The following TTC7A variants were observed in gnomAD, a reference collection of about 807,000 sequenced individuals.
TTC7A encodes tetratricopeptide repeat domain 7A, also known as tetratricopeptide repeat protein 7A.
TTC7A carries 110 observed loss-of-function variants against 103.7 expected under a neutral mutation model. That is an observed-to-expected ratio of 1.06 (90% CI 0.91 to 1.24). TTC7A has a LOEUF of 1.24. Ranked by LOEUF, TTC7A falls within the 50% of genes most tolerant of loss-of-function variation. The pLI is 0.00. For synonymous variants in TTC7A, 521 were observed against 467.9 expected, an observed-to-expected ratio of 1.11 and a Z score of -1.47; for missense variants, 1,340 against 1,116.3, an observed-to-expected ratio of 1.20 and a Z score of -2.86.
chr2:46,927,207 C>G (rs1041024879), intron 2 of TTC7A, among the ~76,000 whole-genome samples: 1 of 151,656 alleles, frequency 6.6e-6, no homozygotes, highest in African/African-American at 2.4e-5. Context: ...AAAAATTTTC[C>G]AGAACCAATG....
intron 1 of TTC7A, among the ~76,000 whole-genome samples, chr2:46,945,659 G>T (rs1670872211): frequency 6.6e-6 from 1 of 152,174 alleles, no homozygotes; most frequent in South Asian, 2.1e-4. Context: ...CCAAAGTGCT[G>T]GAATTATAGG....
At chr2:47,058,022 G>T (rs941161070) in intron 18 of TTC7A, among the ~76,000 whole-genome samples, 3 of 152,198 alleles carry the variant, frequency 2.0e-5, no homozygotes, top group Admixed American at 2.0e-4. Context: ...TAAGCACTCA[G>T]TTATGAGGGC....
At chr2:46,985,584 A>T (rs1674934064) in intron 5 of TTC7A, among the ~76,000 whole-genome samples, 1 of 152,226 alleles carries the variant, frequency 6.6e-6, no homozygotes, top group South Asian at 2.1e-4. Context: ...GCAGGAACTA[A>T]TACAATCCCC....
At chr2:46,972,535 A>C (rs1246795640) in intron 3 of TTC7A, among the ~76,000 whole-genome samples, 2 of 152,218 alleles carry the variant, frequency 1.3e-5, no homozygotes, top group East Asian at 3.8e-4. Context: ...CAGTGGAAAG[A>C]GCGACAATTC....
chr2:47,032,858 G>GT (rs1680707937), intron 15 of TTC7A, among the ~76,000 whole-genome samples: 2 of 23,890 alleles, frequency 8.4e-5, no homozygotes, highest in African/African-American at 4.7e-4. Flanking sequence ...GTTGTTTTAA[G>GT]CAAAAAAAAA....
chr2:46,915,971 GTTC>G (rs915182900), upstream of TTC7A: 4 of 985,330 alleles, frequency 4.1e-6, no homozygotes, highest in African/African-American at 5.2e-5. Flanking sequence ...GACTGACGCA[GTTC>G]TTCTACCTGC....
At chr2:47,070,635 A>G (rs890134830) in intron 19 of TTC7A, among the ~76,000 whole-genome samples, 5 of 152,118 alleles carry the variant, frequency 3.3e-5, no homozygotes, top group Non-Finnish European at 4.4e-5. Context: ...CCCTCAGGGA[A>G]GGCTTCCTGG....
intron 5 of TTC7A, 95 bp downstream of exon 5, chr2:46,979,002 G>T: frequency 6.5e-6 from 5 of 767,582 alleles, no homozygotes; most frequent in Non-Finnish European, 1.1e-5. Context: ...TCTCTGGCCT[G>T]TGCATACGTG....
intron 17 of TTC7A, 68 bp downstream of exon 17, chr2:47,050,114 C>G (rs932781989): frequency 7.4e-7 from 1 of 1,349,844 alleles, no homozygotes; most frequent in African/African-American, 1.4e-5. Context: ...TTGAGAGCAC[C>G]AACACAGAGA....
Position 47,029,408 on chromosome 2 carries a change from G to T in TTC7A, c.1802+24G>T, listed in dbSNP as rs762738357. The T allele has an allele frequency of 2.5e-6, 4 of 1,612,068 alleles. No individual in the cohort carries two copies. The South Asian group carries it at 4.4e-5, about 18-fold the overall frequency. The stretch of plus-strand genomic sequence containing the variant: ...AAGTGAGTGCCCTGGGAACACTCTG[G>T]CAGTGGGGGAGCTGGCTGGCCTCTG... On this transcript the variant is annotated intron_variant, in intron 15 of 19. Transcript: ENST00000319190.
intron 2 of TTC7A, among the ~76,000 whole-genome samples, chr2:46,955,244 G>A (rs1330349157): frequency 6.6e-6 from 1 of 151,146 alleles, no homozygotes; most frequent in African/African-American, 2.5e-5. Context: ...AAATGAGCCC[G>A]TGGCTTGAGA....
intron 2 of TTC7A, among the ~76,000 whole-genome samples, chr2:46,920,857 T>C (rs1276239488): frequency 6.6e-6 from 1 of 151,956 alleles, no homozygotes; most frequent in East Asian, 1.9e-4. Context: ...TGTGGCTGTC[T>C]ACAAAACTTC....
intron 10 of TTC7A, 32 bp downstream of exon 10, chr2:47,006,756 C>T: frequency 6.5e-7 from 1 of 1,537,060 alleles, no homozygotes; most frequent in Non-Finnish European, 9.0e-7. Flanking sequence ...GGGTTGCACA[C>T]TCACCCGCAG....
At chr2:46,923,436 T>C (rs34653836) in intron 2 of TTC7A, among the ~76,000 whole-genome samples, 28,753 of 152,156 alleles carry the variant, frequency 0.19, 3,346 homozygotes, top group African/African-American at 0.31. Context: ...TTAAGGATTG[T>C]AGGAGTTGTA....
chr2:47,003,013 C>G (rs968473335), intron 8 of TTC7A, among the ~76,000 whole-genome samples: 3 of 152,184 alleles, frequency 2.0e-5, no homozygotes, highest in African/African-American at 7.2e-5. Context: ...TGCTAGTATG[C>G]TCCTCTCTTC....
chr2:46,929,880 A>G (rs1363061079), intron 2 of TTC7A, among the ~76,000 whole-genome samples: 1 of 152,248 alleles, frequency 6.6e-6, no homozygotes, highest in Non-Finnish European at 1.5e-5. Flanking sequence ...TTAAGAATCA[A>G]CATATGGTTC....
chr2:46,994,494 T>C lies in TTC7A; in HGVS notation c.981T>C (p.Pro327=). ...TCGCCACTCAGGCCCTGCGGAAACC[T>C]CACCTCTATGAAGGAGACAAGTAAG... is the stretch of plus-strand genomic sequence containing the variant. ...SSFATQALRK[P]HLYEGDNLYC... Residue 327 remains proline (P), a synonymous_variant, in exon 7 of 20, where the codon CCT becomes CCC. Transcript: ENST00000319190. 1 of 1,613,978 alleles carries C rather than the reference T, an allele frequency of 6.2e-7. No homozygotes were observed. Among genetic ancestry groups the C allele is most frequent in the East Asian group, 2.2e-5 (1 of 44,870 alleles).
chr2:47,061,920 C>G (rs781771892), intron 19 of TTC7A, among the ~76,000 whole-genome samples: 2 of 152,190 alleles, frequency 1.3e-5, no homozygotes, highest in Non-Finnish European at 2.9e-5. Context: ...ATCTTTCCCT[C>G]TTAGGGTCTG....
chr2:47,028,828 A>G (rs1203462537), intron 14 of TTC7A, among the ~76,000 whole-genome samples: 1 of 152,096 alleles, frequency 6.6e-6, no homozygotes, highest in Non-Finnish European at 1.5e-5. Context: ...TCCTGTGGTC[A>G]AGCTGCACCC....
Sources: allele counts gnomAD v4.1 joint callset (sites outside exome capture counted in the v4.1 genomes callset), GRCh38; gene constraint gnomAD v4.1.1; transcripts MANE v1.5; gene names NCBI Gene and HGNC (gene_info 2026-07-23, HGNC 2026-07-21).